Variants in HDAC8 observed in about 807,000 individuals in gnomAD.
The protein encoded by HDAC8 is histone deacetylase-like 1.
HDAC8 carries 1 observed loss-of-function variant against 32.2 expected under a neutral mutation model. The observed-to-expected ratio is 0.03, with a 90% CI of 0.01 to 0.15. The LOEUF (loss-of-function observed/expected upper bound fraction) is 0.15. Ranked by LOEUF, HDAC8 falls within the 10% of genes least tolerant of loss-of-function variation. The probability of loss-of-function intolerance (pLI) is 1.00; values close to 1 mark genes in which losing one functional copy is unlikely to be tolerated. For missense variants in HDAC8, 117 were observed against 300.0 expected (o/e 0.39, Z 4.51); for synonymous variants, 108 against 113.9 (o/e 0.95, Z 0.33).
At chrX:72,387,167 A>G (rs1050755600) in intron 9 of HDAC8, among the ~76,000 whole-genome samples, 1 of 112,577 alleles carries the variant, frequency 8.9e-6, no homozygotes, top group East Asian at 2.8e-4. Context: ...TGTGAACTGG[A>G]GTTCCCATGG....
intron 10 of HDAC8, 73 bp from the exon 11 acceptor site, chrX:72,330,149 T>A (rs1216441256): frequency 1.1e-6 from 1 of 904,580 alleles, no homozygotes; most frequent in East Asian, 3.1e-5. Flanking sequence ...GAGCTATTTT[T>A]TAAAAAGCAC....
intron 4 of HDAC8, among the ~76,000 whole-genome samples, chrX:72,533,180 T>C (rs1402661804): frequency 1.8e-5 from 2 of 111,676 alleles, no homozygotes; most frequent in Admixed American, 9.5e-5. Context: ...ATGTGTGGGG[T>C]TTATTTGTCA....
chrX:72,469,877 C>T (rs912596064), intron 7 of HDAC8, among the ~76,000 whole-genome samples: 27 of 110,876 alleles, frequency 2.4e-4, no homozygotes, highest in African/African-American at 7.2e-4. Flanking sequence ...TGGCCGGTCA[C>T]GGTGGCTCAT....
chrX:72,557,890 TG>T (rs2051338458), intron 4 of HDAC8, among the ~76,000 whole-genome samples: 1 of 111,209 alleles, frequency 9.0e-6, no homozygotes, highest in African/African-American at 3.3e-5. Flanking sequence ...CAAGTAGAAA[TG>T]AAATGGGAGA....
At chrX:72,350,304 C>T (rs2044141958) in intron 10 of HDAC8, among the ~76,000 whole-genome samples, 2 of 111,658 alleles carry the variant, frequency 1.8e-5, no homozygotes, top group African/African-American at 6.5e-5. Flanking sequence ...GAGTCTATGA[C>T]TTCTTAGCTT....
chrX:72,366,807 A>G (rs1555954539), intron 9 of HDAC8, among the ~76,000 whole-genome samples: 1 of 111,470 alleles, frequency 9.0e-6, no homozygotes, highest in African/African-American at 3.3e-5. Flanking sequence ...GGCTCTAGTG[A>G]CATCATGAAA....
chrX:72,562,679 TA>T (rs1216066573), intron 4 of HDAC8, among the ~76,000 whole-genome samples: 1 of 108,642 alleles, frequency 9.2e-6, no homozygotes, highest in Non-Finnish European at 1.9e-5. Flanking sequence ...CCTATTGAAA[TA>T]AAAAAATATA....
intron 10 of HDAC8, among the ~76,000 whole-genome samples, chrX:72,348,225 A>C (rs2044082314): frequency 8.9e-6 from 1 of 112,086 alleles, no homozygotes; most frequent in African/African-American, 3.2e-5. Context: ...TCATTCCCTC[A>C]TTGCCATCTT....
At chrX:72,572,436 C>G in intron 1 of HDAC8, 1 of 416,943 alleles carries the variant, frequency 2.4e-6, no homozygotes, top group East Asian at 3.9e-5. Context: ...CCCACTCCTA[C>G]CTGTCCATTG....
intron 9 of HDAC8, among the ~76,000 whole-genome samples, chrX:72,439,494 C>T (rs1212193049): frequency 9.1e-6 from 1 of 110,080 alleles, no homozygotes; most frequent in East Asian, 2.8e-4. Context: ...GGGCTAAATG[C>T]CCCAATTAAA....
chrX:72,445,439 T>A lies in HDAC8; in HGVS notation c.1005+16565A>T, dbSNP rs1250723340. Reference sequence around the variant, plus strand: ...CAAAAACAAGCAATGGGGAAAGGATTCCCTATTTAATAAATGGTGCTGGAA... The same window carrying A: ...CAAAAACAAGCAATGGGGAAAGGATACCCTATTTAATAAATGGTGCTGGAA... On this transcript the variant is annotated intron_variant, in intron 9 of 10. Coordinates refer to ENST00000373573, the MANE Select transcript of HDAC8 (RefSeq NM_018486.3). Among the ~76,000 whole-genome samples the A allele has an allele frequency of 1.9e-4, 21 of 112,205 alleles. No homozygotes were observed. The Admixed American group carries it at 1.9e-3, about 10-fold the overall frequency.
intron 6 of HDAC8, 66 bp downstream of exon 6, chrX:72,490,863 A>G: frequency 1.2e-6 from 1 of 861,807 alleles, no homozygotes; most frequent in Admixed American, 2.2e-5. Flanking sequence ...GTCCAAGTAT[A>G]AGAAATGTGT....
rs1235228589 is a variant in HDAC8, at chrX:72,539,563, T to A, written c.437+28326A>T. Among the ~76,000 whole-genome samples, 3 of 111,425 alleles carry A rather than the reference T, an allele frequency of 2.7e-5. No homozygotes were observed. The East Asian group carries it at 8.4e-4, about 31-fold the overall frequency. ...CCTATCTGCTCAATTTTTCTATAAA[T>A]CTAAAACCATTCTTAAAAAATGTTA... On this transcript the variant is annotated intron_variant, in intron 4 of 10. Transcript: ENST00000373573.
At chrX:72,522,059 G>A (rs1484773223) in intron 4 of HDAC8, among the ~76,000 whole-genome samples, 1 of 111,601 alleles carries the variant, frequency 9.0e-6, no homozygotes, top group East Asian at 2.8e-4. Flanking sequence ...CATTTTATCC[G>A]TCTCCCTATT....
At chrX:72,410,871 A>C (rs2046171722) in intron 9 of HDAC8, among the ~76,000 whole-genome samples, 2 of 111,169 alleles carry the variant, frequency 1.8e-5, no homozygotes, top group African/African-American at 3.3e-5. Context: ...GAAAGTCAGA[A>C]TCATGCTCTG....
intron 9 of HDAC8, among the ~76,000 whole-genome samples, chrX:72,370,175 T>G (rs1353836463): frequency 1.8e-5 from 2 of 112,148 alleles, no homozygotes; most frequent in Non-Finnish European, 3.8e-5. Flanking sequence ...AGCTGATTAG[T>G]CCCCACTTTT....
intron 9 of HDAC8, among the ~76,000 whole-genome samples, chrX:72,436,234 A>G (rs1210111802): frequency 8.9e-6 from 1 of 111,778 alleles, no homozygotes; most frequent in Admixed American, 9.5e-5. Flanking sequence ...AGCCCTAAAC[A>G]TGATAAACCC....
At chrX:72,572,599 G>GCCCCCCCCCCC in intron 1 of HDAC8, 52 bp downstream of exon 1, 1 of 453,101 alleles carries the variant, frequency 2.2e-6, no homozygotes, top group Non-Finnish European at 3.3e-6. Flanking sequence ...TTCGTCCACC[G>GCCCCCCCCCCC]CCCCCACCCC....
intron 7 of HDAC8, among the ~76,000 whole-genome samples, chrX:72,487,396 G>C (rs1385624496): frequency 9.0e-6 from 1 of 111,414 alleles, no homozygotes; most frequent in East Asian, 2.8e-4. Context: ...GACTTCCTTG[G>C]GGGTGGGCAC....
Sources: gnomAD v4.1 joint callset for allele counts (sites outside exome capture counted in the v4.1 genomes callset) on GRCh38, gnomAD v4.1.1 for gene constraint, MANE v1.5 for transcripts, NCBI Gene and HGNC (gene_info 2026-07-23, HGNC 2026-07-21) for gene names.